ZNF662: variants seen among roughly 807,000 people sequenced by gnomAD.
ZNF662 encodes the protein zinc finger protein 662.
A neutral mutation model predicts 12.4 loss-of-function variants in ZNF662; 14 were observed. That is an observed-to-expected ratio of 1.13 (90% CI 0.75 to 1.77). The LOEUF (loss-of-function observed/expected upper bound fraction) is 1.77, where lower values mean the gene tolerates loss of function less well. ZNF662 is among the 40% of genes most tolerant of loss of function. ZNF662 has a pLI of 0.00. For missense variants in ZNF662, 550 were observed against 515.6 expected (o/e 1.07, Z -0.65); for synonymous variants, 184 against 176.4 (o/e 1.04, Z -0.34).
At chr3:42,912,963 G>T (rs1017616205) in intron 3 of ZNF662, among the ~76,000 whole-genome samples, 8 of 150,976 alleles carry the variant, frequency 5.3e-5, no homozygotes, top group Non-Finnish European at 1.0e-4. Flanking sequence ...GGCTAGTCTT[G>T]AACTCCTGAC....
chr3:42,915,297 G>C lies in ZNF662; in HGVS notation c.1224G>C (p.Arg408Ser). Reference sequence around the variant, plus strand: ...ATTCTGTCTTAATTAAGCACCAGAGGCGCCATGCTAGAGACAAACCCTATA... The same window carrying C: ...ATTCTGTCTTAATTAAGCACCAGAGCCGCCATGCTAGAGACAAACCCTATA... ...SQNSVLIKHQ[R>S]RHARDKPYNC... The change falls in exon 5 of 5, where the codon AGG becomes AGC. Residue 408 changes from arginine to serine, a missense_variant. By Grantham distance (110) the Arg-to-Ser change is moderately radical (BLOSUM62 -1). Transcript: ENST00000440367. 1 of 1,610,524 alleles carries C rather than the reference G, an allele frequency of 6.2e-7. No individual in the cohort carries two copies. Among genetic ancestry groups the C allele is most frequent in the Non-Finnish European group, 8.5e-7 (1 of 1,178,346 alleles).
At chr3:42,909,001 G>C (rs2088727008) in intron 3 of ZNF662, 92 bp downstream of exon 3, 30 of 773,100 alleles carry the variant, frequency 3.9e-5, no homozygotes, top group Non-Finnish European at 5.8e-5. Context: ...ATCTAGTGTT[G>C]TAGACACTAG....
In ZNF662 at chr3:42,915,320, A is replaced by G. The variant is rs769765322; in HGVS notation, c.1247A>G (p.Tyr416Cys). ...AGGCGCCATGCTAGAGACAAACCCTATAACTGTCAGATCTCTCACCTTCTT... is the reference window on the plus strand; with the variant it reads ...AGGCGCCATGCTAGAGACAAACCCTGTAACTGTCAGATCTCTCACCTTCTT... ...HQRRHARDKPYNCQISHLLEH is the reference protein window; with the variant it reads ...HQRRHARDKPCNCQISHLLEH The change falls in exon 5 of 5, where the codon TAT becomes TGT. Residue 416 changes from tyrosine (Y) to cysteine (C), a missense_variant. Transcript: ENST00000440367. The G allele has an allele frequency of 2.2e-5, 35 of 1,593,390 alleles. No individual in the cohort carries two copies. Among genetic ancestry groups the G allele is most frequent in the African/African-American group, 1.1e-4 (8 of 74,002 alleles).
At position 42,919,253 on chromosome 3, in the gene ZNF662, T is replaced by C. The variant is rs1221696086; in HGVS notation, c.*3899T>C. ...TGACAAATATATAAGTCTTGAAACATAATTTCTCTCCAGTTCTCATTTTTG... is the reference window on the plus strand; with the variant it reads ...TGACAAATATATAAGTCTTGAAACACAATTTCTCTCCAGTTCTCATTTTTG... On this transcript the variant is annotated 3_prime_UTR_variant, in exon 5 of 5. Transcript: ENST00000440367. Among the ~76,000 whole-genome samples, 1 of 152,232 alleles carries C rather than the reference T, an allele frequency of 6.6e-6. No homozygotes were observed. Among genetic ancestry groups the C allele is most frequent in the Non-Finnish European group, 1.5e-5 (1 of 68,042 alleles).
chr3:42,912,655 T>TATATATATATTTATATATATATATAA (rs1559381489), intron 3 of ZNF662, among the ~76,000 whole-genome samples: 3 of 46,708 alleles, frequency 6.4e-5, no homozygotes, highest in Non-Finnish European at 1.1e-4. Flanking sequence ...TATATATAAA[T>TATATATATATTTATATATATATATAA]ATATATATAT....
In ZNF662 at chr3:42,917,660, G is replaced by C; in HGVS notation, c.*2306G>C. ...CAAACGAGTTAGAGTTGAGTTTTCTGTTATTTGCAACTTAGCCACACTAAT... is the reference window on the plus strand; with the variant it reads ...CAAACGAGTTAGAGTTGAGTTTTCTCTTATTTGCAACTTAGCCACACTAAT... On this transcript the variant is annotated 3_prime_UTR_variant, in exon 5 of 5. Transcript: ENST00000440367. 1 of 663,116 alleles carries C rather than the reference G, an allele frequency of 1.5e-6. No individual in the cohort carries two copies. The highest frequency in any genetic ancestry group is 1.7e-5 in the South Asian group (1 of 59,854). 41.1% of individuals were successfully genotyped at this position (663,116 alleles called of 1,614,324 possible).
At chr3:42,908,398 A>G (rs1480215984) in intron 2 of ZNF662, 9 of 1,301,040 alleles carry the variant, frequency 6.9e-6, no homozygotes, top group Non-Finnish European at 8.8e-6. Context: ...GGGTATAGTG[A>G]GAAGAGAGCA....
In ZNF662 at chr3:42,919,023, G is replaced by A. The variant is rs150118328; in HGVS notation, c.*3669G>A. Among the ~76,000 whole-genome samples, 691 of 152,222 alleles carry A rather than the reference G, an allele frequency of 4.5e-3. 4 individuals are homozygous for A. Among genetic ancestry groups the A allele is most frequent in the African/African-American group, 0.015 (643 of 41,524 alleles). ...CCCAAAAAAGAAACCTCCAGGTTAT[G>A]GGCACCTTATTTAGTCTAATCATCT... On this transcript the variant is annotated 3_prime_UTR_variant, in exon 5 of 5. Transcript: ENST00000440367.
At position 42,912,587 on chromosome 3, in the gene ZNF662, AT is replaced by A. The variant is rs1180767916; in HGVS notation, c.152-613del. Among the ~76,000 whole-genome samples, 9 of 91,432 alleles carry A rather than the reference AT, an allele frequency of 9.8e-5. No homozygotes were observed. The South Asian group carries it at 1.2e-3, about 13-fold the overall frequency. 60.0% of individuals were successfully genotyped at this position (91,432 alleles called of 152,430 possible). On this transcript the variant is annotated intron_variant, in intron 3 of 4. Coordinates refer to ENST00000440367, the MANE Select transcript of ZNF662 (RefSeq NM_207404.4). The stretch of plus-strand genomic sequence containing the variant: ...ATATAAATACATATTTTATATATAA[AT>A]ATATTTATATAAAATACAAATATTT...
rs1443247119 is a variant in ZNF662 at position 42,915,806 on chromosome 3, T to C, written c.*452T>C. On this transcript the variant is annotated 3_prime_UTR_variant, in exon 5 of 5. Transcript: ENST00000440367. Reference sequence around the variant, plus strand: ...GTCTCTGCCCATTTTTATTTGCTTATTTTCCTGTGCTTTTAGTTTCCCTTC... The same window carrying C: ...GTCTCTGCCCATTTTTATTTGCTTACTTTCCTGTGCTTTTAGTTTCCCTTC... 6.3e-6 allele frequency: 1 copy of C among 158,140 alleles called. No homozygotes were observed. Among genetic ancestry groups the C allele is most frequent in the East Asian group, 1.9e-4 (1 of 5,334 alleles). 9.8% of individuals were successfully genotyped at this position (158,140 alleles called of 1,614,324 possible).
At position 42,906,492 on chromosome 3, in the gene ZNF662, T is replaced by C; in HGVS notation, c.-94+324T>C. On this transcript the variant is annotated intron_variant, in intron 1 of 4. Coordinates refer to ENST00000440367, the MANE Select transcript of ZNF662 (RefSeq NM_207404.4). The surrounding 1 kb of genome is among the most constrained non-coding windows in gnomAD (Gnocchi z 4.4). ...GCAGTCTTGGCCCTGCCCTGGGTTC[T>C]AGGCCCGGAGACGGGGTGGTGCGGC... 2 of 1,373,142 alleles carry C rather than the reference T, an allele frequency of 1.5e-6. No homozygotes were observed. Among genetic ancestry groups the C allele is most frequent in the Non-Finnish European group, 9.4e-7 (1 of 1,061,710 alleles). The allele number at this position is 1,373,142 out of a possible 1,614,324, so 85.1% of individuals were successfully genotyped here.
chr3:42,918,328 A>C lies in ZNF662; in HGVS notation c.*2974A>C, dbSNP rs1298877938. 6.6e-6 allele frequency among the ~76,000 whole-genome samples: 1 copy of C among 152,116 alleles called. No individual in the cohort carries two copies. Among genetic ancestry groups the C allele is most frequent in the Non-Finnish European group, 1.5e-5 (1 of 68,014 alleles). On this transcript the variant is annotated 3_prime_UTR_variant, in exon 5 of 5. Coordinates refer to ENST00000440367, the MANE Select transcript of ZNF662 (RefSeq NM_207404.4). ...TTAAGTGAAAAGGAAAACTCTCAAC[A>C]AAAAGAGGGGTCCTGCATGCAGGTT...
chr3:42,910,794 A>G (rs921449030), intron 3 of ZNF662, among the ~76,000 whole-genome samples: 4 of 152,148 alleles, frequency 2.6e-5, no homozygotes, highest in East Asian at 1.9e-4. Context: ...CTGTGCTCCA[A>G]ATTTCCTCAT....
chr3:42,906,719 TTA>T lies in ZNF662; in HGVS notation c.-94+553_-94+554del, dbSNP rs1199210968. 4.6e-5 allele frequency among the ~76,000 whole-genome samples: 7 copies of T among 152,052 alleles called. No individual in the cohort carries two copies. Among genetic ancestry groups the T allele is most frequent in the Non-Finnish European group, 1.0e-4 (7 of 68,006 alleles). ...TTCAGAGCTGCCTTTACAGAGCTGG[TTA>T]TGTTTGAGCTGGGTATTAGGTTGAA... On this transcript the variant is annotated intron_variant, in intron 1 of 4. Transcript: ENST00000440367. This position sits in a 1 kb window ranked among gnomAD's most constrained non-coding sequence, Gnocchi z 4.4.
rs1401984392 is a variant in ZNF662 at position 42,912,535 on chromosome 3, A to T, written c.152-666A>T. Among the ~76,000 whole-genome samples the T allele has an allele frequency of 6.6e-4, 53 of 79,934 alleles. 2 individuals carry two copies. The South Asian group carries it at 0.023, about 35-fold the overall frequency. 52.4% of individuals were successfully genotyped at this position (79,934 alleles called of 152,430 possible). ...TTGTATATTTAATATATAAATACAT[A>T]TATTTATATATTTAATATAAATATA... On this transcript the variant is annotated intron_variant, in intron 3 of 4. Transcript: ENST00000440367.
chr3:42,906,358 G>T lies in ZNF662; in HGVS notation c.-94+190G>T, dbSNP rs1464771057. On this transcript the variant is annotated intron_variant, in intron 1 of 4. Coordinates refer to ENST00000440367, the MANE Select transcript of ZNF662 (RefSeq NM_207404.4). This position sits in a 1 kb window ranked among gnomAD's most constrained non-coding sequence, Gnocchi z 4.4. ...CCAGAGGGCGACCTGGGCTATGGCG[G>T]CCGTGGCGCTGGCGAGCGGGACACG... The T allele has an allele frequency of 6.5e-7, 1 of 1,528,512 alleles. No homozygotes were observed. The highest frequency in any genetic ancestry group is 8.8e-7 in the Non-Finnish European group (1 of 1,142,444). The allele number at this position is 1,528,512 out of a possible 1,614,324, so 94.7% of individuals were successfully genotyped here.
At position 42,914,637 on chromosome 3, in the gene ZNF662, G is replaced by GC; in HGVS notation, c.565dup (p.Gln189ProfsTer7). ...GTATACATCACAAAATTCTAAATGAGCAAATATTCTATATATGTGAGGAAT... is the reference window on the plus strand; with the variant it reads ...GTATACATCACAAAATTCTAAATGAGCCAAATATTCTATATATGTGAGGAAT... On this transcript the variant is annotated frameshift_variant, in exon 5 of 5. Coordinates refer to ENST00000440367, the MANE Select transcript of ZNF662 (RefSeq NM_207404.4). LOFTEE classifies it low-confidence loss of function (END_TRUNC). The GC allele has an allele frequency of 6.2e-7, 1 of 1,614,134 alleles. No homozygotes were observed. The highest frequency in any genetic ancestry group is 8.5e-7 in the Non-Finnish European group (1 of 1,180,030).
chr3:42,909,548 C>T (rs1051523253), intron 3 of ZNF662, among the ~76,000 whole-genome samples: 1 of 152,224 alleles, frequency 6.6e-6, no homozygotes, highest in Non-Finnish European at 1.5e-5. Context: ...CCGCCATCGT[C>T]ATCATGGCCC....
chr3:42,909,276 C>T (rs2088734703), intron 3 of ZNF662, among the ~76,000 whole-genome samples: 1 of 152,146 alleles, frequency 6.6e-6, no homozygotes, highest in Non-Finnish European at 1.5e-5. Flanking sequence ...TCTTAACGAG[C>T]ATGCTTCCTT....
Sources: gnomAD v4.1 joint callset for allele counts (sites outside exome capture counted in the v4.1 genomes callset) on GRCh38, gnomAD v4.1.1 for gene constraint, Gnocchi (gnomAD v3.1) non-coding constraint, MANE v1.5 for transcripts, NCBI Gene and HGNC (gene_info 2026-07-23, HGNC 2026-07-21) for gene names.